The following GALNT18 variants were observed in gnomAD, a reference collection of about 807,000 sequenced individuals.
GALNT18 encodes GalNAc-transferase 18.
A neutral mutation model predicts 69.5 loss-of-function variants in GALNT18; 44 were observed. The ratio of observed to expected loss-of-function variants is 0.63; its 90% confidence interval spans 0.50 to 0.81. The LOEUF (loss-of-function observed/expected upper bound fraction) is 0.81, where lower values mean the gene tolerates loss of function less well. Among genes scored for constraint, GALNT18 ranks in the 40% least tolerant of loss-of-function variants. GALNT18 has a pLI of 0.00. For missense variants in GALNT18, 715 were observed against 810.0 expected, an observed-to-expected ratio of 0.88 and a Z score of 1.42; for synonymous variants, 364 against 318.2, an observed-to-expected ratio of 1.14 and a Z score of -1.53.
chr11:11,289,460 T>C (rs1849258911), intron 10 of GALNT18, among the ~76,000 whole-genome samples: 1 of 152,040 alleles, frequency 6.6e-6, no homozygotes, highest in Non-Finnish European at 1.5e-5. Context: ...TTGACTGCTA[T>C]GTCTGTTTAA....
chr11:11,292,709 G>A (rs1017607720), intron 10 of GALNT18, among the ~76,000 whole-genome samples: 1 of 152,096 alleles, frequency 6.6e-6, no homozygotes, highest in African/African-American at 2.4e-5. Context: ...CTGGGCAGGG[G>A]ACTCCCATCT....
chr11:11,371,856 A>G (rs1850914881), intron 6 of GALNT18, among the ~76,000 whole-genome samples: 1 of 152,220 alleles, frequency 6.6e-6, no homozygotes, highest in Non-Finnish European at 1.5e-5. Flanking sequence ...CAGAAAGCCT[A>G]GGAATTGTTC....
At chr11:11,486,219 C>G (rs1015307035) in intron 1 of GALNT18, among the ~76,000 whole-genome samples, 2 of 152,228 alleles carry the variant, frequency 1.3e-5, no homozygotes, top group African/African-American at 2.4e-5. Flanking sequence ...GTCCTTGTAC[C>G]TCCCGCCCTA....
intron 1 of GALNT18, among the ~76,000 whole-genome samples, chr11:11,515,683 G>T (rs113296248): frequency 1.3e-3 from 195 of 152,352 alleles, no homozygotes; most frequent in African/African-American, 4.2e-3. Flanking sequence ...GGCCAGGGAA[G>T]GCCTCTCTGA....
intron 1 of GALNT18, among the ~76,000 whole-genome samples, chr11:11,529,517 A>C (rs1485159252): frequency 6.6e-6 from 1 of 152,112 alleles, no homozygotes; most frequent in Non-Finnish European, 1.5e-5. Flanking sequence ...GGGTCTTCAG[A>C]CTCAGAACTA....
chr11:11,313,440 G>A lies in GALNT18; in HGVS notation c.1512+13646C>T, dbSNP rs191822291. Among the ~76,000 whole-genome samples the A allele has an allele frequency of 2.0e-4, 30 of 152,326 alleles. No homozygotes were observed. The East Asian group carries it at 2.7e-3, about 14-fold the overall frequency. The stretch of plus-strand genomic sequence containing the variant: ...GATTCAGTTTTCCTTTAGATCCTAA[G>A]GAGAAGAGTATGCCTGGGTAGTTGA... On this transcript the variant is annotated intron_variant, in intron 9 of 10. Transcript: ENST00000227756.
Position 11,332,584 on chromosome 11 carries a change from T to C in GALNT18, c.1416+110A>G, listed in dbSNP as rs1373432311. The C allele has an allele frequency of 1.6e-5, 21 of 1,278,802 alleles. No individual in the cohort carries two copies. Among genetic ancestry groups the C allele is most frequent in the Non-Finnish European group, 2.1e-5 (19 of 907,510 alleles). 79.2% of individuals were successfully genotyped at this position (1,278,802 alleles called of 1,614,324 possible). On this transcript the variant is annotated intron_variant, in intron 8 of 10. Transcript: ENST00000227756. This position sits in a 1 kb window ranked among gnomAD's most constrained non-coding sequence, Gnocchi z 4.3. ...CCCAGCGCCCGGTCCCCAGGCCTAC[T>C]GCAGTTCTTCATGTGAGCAGCTGAG...
intron 6 of GALNT18, among the ~76,000 whole-genome samples, chr11:11,363,849 G>A (rs749687736): frequency 2.0e-5 from 3 of 151,578 alleles, no homozygotes; most frequent in East Asian, 1.9e-4. Context: ...AGCAGGAAAT[G>A]TGTAAGATGA....
At chr11:11,333,090 G>GAA (rs5789678) in intron 7 of GALNT18, among the ~76,000 whole-genome samples, 5,651 of 141,342 alleles carry the variant, frequency 0.04, 137 homozygotes, top group South Asian at 0.07. Context: ...AATCCTTAAA[G>GAA]AAAAAAAAAA....
In GALNT18 at chr11:11,497,135, C is replaced by A. The variant is rs1370888148; in HGVS notation, c.236-48199G>T. Among the ~76,000 whole-genome samples, 2 of 152,100 alleles carry A rather than the reference C, an allele frequency of 1.3e-5. No individual in the cohort carries two copies. Among genetic ancestry groups the A allele is most frequent in the African/African-American group, 2.4e-5 (1 of 41,408 alleles). Reference sequence around the variant, plus strand: ...TGGGATGCTGTGACCCAGGGCCAGACCCTTCTTGTCATGCAAGTCTCAGCT... The same window carrying A: ...TGGGATGCTGTGACCCAGGGCCAGAACCTTCTTGTCATGCAAGTCTCAGCT... On this transcript the variant is annotated intron_variant, in intron 1 of 10. Coordinates refer to ENST00000227756, the MANE Select transcript of GALNT18 (RefSeq NM_198516.3). This position sits in a 1 kb window ranked among gnomAD's most constrained non-coding sequence, Gnocchi z 4.2.
intron 10 of GALNT18, among the ~76,000 whole-genome samples, chr11:11,279,363 C>T (rs1282941588): frequency 6.6e-6 from 1 of 152,260 alleles, no homozygotes; most frequent in Non-Finnish European, 1.5e-5. Context: ...AACTTCAGTT[C>T]TTACAACTGT....
rs950278304 is a variant in GALNT18, at chr11:11,596,657, G to A, written c.235+24702C>T. 5.9e-5 allele frequency among the ~76,000 whole-genome samples: 9 copies of A among 151,702 alleles called. No homozygotes were observed. The highest frequency in any genetic ancestry group is 3.9e-4 in the Admixed American group (6 of 15,214). On this transcript the variant is annotated intron_variant, in intron 1 of 10. Transcript: ENST00000227756. This position sits in a 1 kb window ranked among gnomAD's most constrained non-coding sequence, Gnocchi z 4.2. ...ATTTTTTATAGTTTGTTTTCAGATCGCCCACTGATAGTGATAGAAATACAA... is the reference window on the plus strand; with the variant it reads ...ATTTTTTATAGTTTGTTTTCAGATCACCCACTGATAGTGATAGAAATACAA...
intron 1 of GALNT18, among the ~76,000 whole-genome samples, chr11:11,460,612 G>T (rs1385741262): frequency 6.6e-6 from 1 of 152,208 alleles, no homozygotes; most frequent in African/African-American, 2.4e-5. Flanking sequence ...CACTAACAAG[G>T]TAGAAAGGAG....
chr11:11,319,232 C>T (rs999574518), intron 9 of GALNT18, among the ~76,000 whole-genome samples: 1 of 152,228 alleles, frequency 6.6e-6, no homozygotes, highest in African/African-American at 2.4e-5. Flanking sequence ...ACACCTTCAC[C>T]ATTCTTGGCC....
At chr11:11,536,155 T>G (rs1857768042) in intron 1 of GALNT18, among the ~76,000 whole-genome samples, 1 of 152,252 alleles carries the variant, frequency 6.6e-6, no homozygotes, top group Non-Finnish European at 1.5e-5. Flanking sequence ...GACCTTGGGC[T>G]AAATTGGACA....
chr11:11,396,613 C>T lies in GALNT18; in HGVS notation c.596-17349G>A, dbSNP rs534670525. Among the ~76,000 whole-genome samples, 161 of 152,198 alleles carry T rather than the reference C, an allele frequency of 1.1e-3. No individual in the cohort carries two copies. Among genetic ancestry groups the T allele is most frequent in the African/African-American group, 3.3e-3 (138 of 41,544 alleles). On this transcript the variant is annotated intron_variant, in intron 3 of 10. Transcript: ENST00000227756. This position sits in a 1 kb window ranked among gnomAD's most constrained non-coding sequence, Gnocchi z 5.2. ...CTCATGGCAATTGCAAAGATTTGCA[C>T]GCGGGACTCCAGTCTGGGGCAATAG...
Position 11,432,833 on chromosome 11 carries a change from C to A in GALNT18, c.429-46G>T. The A allele has an allele frequency of 1.3e-6, 2 of 1,587,144 alleles. No homozygotes were observed. The highest frequency in any genetic ancestry group is 2.3e-5 in the South Asian group (2 of 87,810). On this transcript the variant is annotated intron_variant, in intron 2 of 10. Transcript: ENST00000227756. This position sits in a 1 kb window ranked among gnomAD's most constrained non-coding sequence, Gnocchi z 5.8. ...CTTAGATTTGTGACTCAGCTGGAGT[C>A]ATCTCAGGAGCTGACCCAGCCCATG...
At chr11:11,485,480 T>C (rs540488635) in intron 1 of GALNT18, among the ~76,000 whole-genome samples, 31 of 152,336 alleles carry the variant, frequency 2.0e-4, no homozygotes, top group Non-Finnish European at 3.4e-4. Flanking sequence ...GTGTAAGGCA[T>C]GGCAGAAGGG....
At position 11,470,636 on chromosome 11, in the gene GALNT18, G is replaced by A. The variant is rs1221758523; in HGVS notation, c.236-21700C>T. Among the ~76,000 whole-genome samples the A allele has an allele frequency of 6.6e-6, 1 of 152,132 alleles. No individual in the cohort carries two copies. Among genetic ancestry groups the A allele is most frequent in the African/African-American group, 2.4e-5 (1 of 41,430 alleles). On this transcript the variant is annotated intron_variant, in intron 1 of 10. Coordinates refer to ENST00000227756, the MANE Select transcript of GALNT18 (RefSeq NM_198516.3). The surrounding 1 kb of genome is among the most constrained non-coding windows in gnomAD (Gnocchi z 4.8). ...CTAAGCTAGCTGAGATATTGGCAGA[G>A]ACAGGGGATTGACTGAAAGACCCCT...
Sources: allele counts gnomAD v4.1 joint callset (sites outside exome capture counted in the v4.1 genomes callset), GRCh38; gene constraint gnomAD v4.1.1; non-coding constraint Gnocchi (gnomAD v3.1); transcripts MANE v1.5; gene names NCBI Gene and HGNC (gene_info 2026-07-23, HGNC 2026-07-21).